Variants in TACR3 observed in about 807,000 individuals in gnomAD.
TACR3 encodes the protein neuromedin-K receptor.
TACR3 carries 34 observed loss-of-function variants against 35.0 expected under a neutral mutation model. That is an observed-to-expected ratio of 0.97 (90% confidence interval 0.74 to 1.30). The LOEUF is 1.30. Among genes scored for constraint, TACR3 ranks in the 50% most tolerant of loss-of-function variants. The pLI is 0.00. For missense variants in TACR3, 558 were observed against 591.7 expected (o/e 0.94, Z 0.59); for synonymous variants, 233 against 221.1 (o/e 1.05, Z -0.48).
chr4:103,604,150 C>A (rs964512952), intron 3 of TACR3, among the ~76,000 whole-genome samples: 1 of 152,204 alleles, frequency 6.6e-6, no homozygotes, highest in Non-Finnish European at 1.5e-5. Flanking sequence ...TACTGCAAGG[C>A]TATAGTAACC....
intron 3 of TACR3, among the ~76,000 whole-genome samples, chr4:103,620,149 C>G (rs1269399549): frequency 1.3e-5 from 2 of 152,094 alleles, no homozygotes. Context: ...AAAAAATGCT[C>G]AGCATCACTA....
intron 1 of TACR3, among the ~76,000 whole-genome samples, chr4:103,678,360 GGTAT>G (rs1279948950): frequency 6.6e-6 from 1 of 152,046 alleles, no homozygotes; most frequent in Non-Finnish European, 1.5e-5. Context: ...AAATCTTAAG[GGTAT>G]GTAAGTTGTG....
intron 4 of TACR3, among the ~76,000 whole-genome samples, 188 bp from the exon 5 acceptor site, chr4:103,590,182 T>C (rs111279711): frequency 1.3e-3 from 191 of 152,202 alleles, no homozygotes; most frequent in African/African-American, 4.2e-3. Flanking sequence ...GAATTGAATC[T>C]TAATTTCCCA....
At chr4:103,697,104 A>G (rs1722536612) in intron 1 of TACR3, among the ~76,000 whole-genome samples, 1 of 152,148 alleles carries the variant, frequency 6.6e-6, no homozygotes, top group Admixed American at 6.5e-5. Flanking sequence ...TAAAAATGGC[A>G]TGTGAGTTTA....
chr4:103,647,626 A>C (rs544586673), intron 3 of TACR3, among the ~76,000 whole-genome samples: 1 of 151,966 alleles, frequency 6.6e-6, no homozygotes, highest in Non-Finnish European at 1.5e-5. Flanking sequence ...GACAATTGTT[A>C]TTCTATATTT....
chr4:103,707,001 T>A (rs3796951), intron 1 of TACR3, among the ~76,000 whole-genome samples: 50,231 of 152,144 alleles, frequency 0.33, 12,842 homozygotes, highest in African/African-American at 0.72. Flanking sequence ...CCATCTGGAA[T>A]CTTTGCTCAG....
intron 1 of TACR3, among the ~76,000 whole-genome samples, chr4:103,689,179 T>A (rs1263634082): frequency 7.0e-6 from 1 of 142,728 alleles, no homozygotes; most frequent in Non-Finnish European, 1.5e-5. Flanking sequence ...ATATTCTCAC[T>A]CATAGGTGGG....
rs72943365 is a variant in TACR3 at position 103,590,569 on chromosome 4, G to A, written c.1086-575C>T. The stretch of plus-strand genomic sequence containing the variant: ...TAATGCTTGTGGGGTGTCAGGAATT[G>A]AGATATGGCTTATGCAATTAGTGAA... On this transcript the variant is annotated intron_variant, in intron 4 of 4. Transcript: ENST00000304883. Among the ~76,000 whole-genome samples the A allele has an allele frequency of 4.9e-3, 715 of 145,624 alleles. 6 individuals are homozygous for A. The highest frequency in any genetic ancestry group is 0.016 in the East Asian group (76 of 4,840).
intron 3 of TACR3, among the ~76,000 whole-genome samples, chr4:103,628,335 C>CA (rs1724954561): frequency 6.6e-6 from 1 of 151,994 alleles, no homozygotes; most frequent in South Asian, 2.1e-4. Flanking sequence ...AAAAACCCTT[C>CA]AAAAAATCAA....
At chr4:103,597,393 C>T (rs935947292) in intron 3 of TACR3, among the ~76,000 whole-genome samples, 14 of 152,042 alleles carry the variant, frequency 9.2e-5, no homozygotes, top group Non-Finnish European at 2.1e-4. Flanking sequence ...AAATGGTCAG[C>T]TTGGTGTGAC....
intron 1 of TACR3, among the ~76,000 whole-genome samples, chr4:103,676,836 T>G (rs1258700650): frequency 1.3e-5 from 2 of 152,032 alleles, no homozygotes; most frequent in African/African-American, 2.4e-5. Flanking sequence ...CAAAAGCAAT[T>G]GCAGCGAAAG....
At chr4:103,601,414 T>G (rs1724198758) in intron 3 of TACR3, among the ~76,000 whole-genome samples, 1 of 152,188 alleles carries the variant, frequency 6.6e-6, no homozygotes, top group South Asian at 2.1e-4. Context: ...TTGTGTGAAT[T>G]TGATCCTGTC....
At chr4:103,705,105 CTAT>C (rs1473361576) in intron 1 of TACR3, among the ~76,000 whole-genome samples, 6 of 151,862 alleles carry the variant, frequency 4.0e-5, no homozygotes, top group African/African-American at 1.2e-4. Context: ...TATTAAAAAT[CTAT>C]TATTATTTCT....
chr4:103,601,391 A>G (rs1253584563), intron 3 of TACR3, among the ~76,000 whole-genome samples: 2 of 152,076 alleles, frequency 1.3e-5, no homozygotes, highest in Non-Finnish European at 2.9e-5. Context: ...TTACATTTAA[A>G]GTTAATATTA....
intron 3 of TACR3, among the ~76,000 whole-genome samples, chr4:103,640,547 C>A (rs1400456367): frequency 6.6e-6 from 1 of 151,644 alleles, no homozygotes; most frequent in Non-Finnish European, 1.5e-5. Context: ...TGTTTGAATT[C>A]CTTATGTATT....
chr4:103,644,146 G>A (rs971609075), intron 3 of TACR3, among the ~76,000 whole-genome samples: 2 of 151,832 alleles, frequency 1.3e-5, no homozygotes, highest in African/African-American at 2.4e-5. Context: ...TTTAATCAAA[G>A]GGTTTAAAGC....
At chr4:103,693,615 T>C (rs1432677937) in intron 1 of TACR3, among the ~76,000 whole-genome samples, 1 of 152,152 alleles carries the variant, frequency 6.6e-6, no homozygotes, top group African/African-American at 2.4e-5. Flanking sequence ...CATATTTGTA[T>C]TGATATTTTC....
chr4:103,589,787 T>C lies in TACR3; in HGVS notation c.1293A>G (p.Pro431=), dbSNP rs1193172130. The change falls in exon 5 of 5, where the codon CCA becomes CCG. Residue 431 remains proline (P), a synonymous_variant. Transcript: ENST00000304883. Reference sequence around the variant, plus strand: ...AGCAGCCATTGAAACTTGGGTCTCTTGGCGTTGCTCTTTTCTTCCGACTGG... The same window carrying C: ...AGCAGCCATTGAAACTTGGGTCTCTCGGCGTTGCTCTTTTCTTCCGACTGG... ...TRSSRKKRAT[P]RDPSFNGCSR... 1.9e-6 allele frequency: 3 copies of C among 1,613,886 alleles called. No homozygotes were observed.
At chr4:103,674,462 A>C (rs1434839128) in intron 1 of TACR3, among the ~76,000 whole-genome samples, 2 of 152,192 alleles carry the variant, frequency 1.3e-5, no homozygotes, top group Non-Finnish European at 2.9e-5. Context: ...AGTTTTCATC[A>C]GAAGGAGCTT....
Sources: allele counts gnomAD v4.1 joint callset (sites outside exome capture counted in the v4.1 genomes callset), GRCh38; gene constraint gnomAD v4.1.1; transcripts MANE v1.5; gene names NCBI Gene and HGNC (gene_info 2026-07-23, HGNC 2026-07-21).